PRKN: variants seen among roughly 807,000 people sequenced by gnomAD.
The protein encoded by PRKN is parkin RBR E3 ubiquitin protein ligase.
PRKN carries 56 observed loss-of-function variants against 59.5 expected under a neutral mutation model. That is an observed-to-expected ratio of 0.94 (90% CI 0.76 to 1.18). The LOEUF (loss-of-function observed/expected upper bound fraction) is 1.18, where lower values mean the gene tolerates loss of function less well. PRKN is among the 50% of genes most tolerant of loss of function. PRKN has a pLI of 0.00. For synonymous variants in PRKN, 250 were observed against 222.1 expected (o/e 1.13, Z -1.12); for missense variants, 657 against 596.4 (o/e 1.10, Z -1.06).
intron 5 of PRKN, among the ~76,000 whole-genome samples, chr6:161,998,757 C>T (rs945896203): frequency 2.0e-5 from 3 of 152,102 alleles, no homozygotes; most frequent in Non-Finnish European, 4.4e-5. Context: ...AATCCAATCC[C>T]GTTATACATA....
chr6:161,925,533 T>A (rs954293151), intron 6 of PRKN, among the ~76,000 whole-genome samples: 1 of 152,096 alleles, frequency 6.6e-6, no homozygotes, highest in African/African-American at 2.4e-5. Flanking sequence ...ATCGTGCCAC[T>A]GCACTCCACG....
At chr6:162,645,542 C>A (rs1292722448) in intron 1 of PRKN, among the ~76,000 whole-genome samples, 1 of 151,992 alleles carries the variant, frequency 6.6e-6, no homozygotes, top group Non-Finnish European at 1.5e-5. Flanking sequence ...TTAATTATTT[C>A]TCTGATCCTA....
At chr6:161,966,340 C>T (rs1411389532) in intron 6 of PRKN, among the ~76,000 whole-genome samples, 1 of 151,948 alleles carries the variant, frequency 6.6e-6, no homozygotes, top group African/African-American at 2.4e-5. Context: ...CAATTTTTAC[C>T]CTTTAAAAAA....
At chr6:161,947,865 T>C (rs1779839395) in intron 6 of PRKN, among the ~76,000 whole-genome samples, 1 of 152,202 alleles carries the variant, frequency 6.6e-6, no homozygotes, top group South Asian at 2.1e-4. Flanking sequence ...TGGATTAGAG[T>C]TTGAAACCAA....
In PRKN at chr6:161,444,032, A is replaced by G. The variant is rs1359063540; in HGVS notation, c.1084-57155T>C. On this transcript the variant is annotated intron_variant, in intron 9 of 11. Transcript: ENST00000366898. The surrounding 1 kb of genome is among the most constrained non-coding windows in gnomAD (Gnocchi z 5.6). Reference sequence around the variant, plus strand: ...GTGCACGAACTAACTAGGAGGCGCCAGGCTTAGGCCTTAGGCAGACAAAGA... The same window carrying G: ...GTGCACGAACTAACTAGGAGGCGCCGGGCTTAGGCCTTAGGCAGACAAAGA... Among the ~76,000 whole-genome samples the G allele has an allele frequency of 6.6e-6, 1 of 152,168 alleles. No homozygotes were observed. Among genetic ancestry groups the G allele is most frequent in the Non-Finnish European group, 1.5e-5 (1 of 68,030 alleles).
At chr6:161,600,215 C>T (rs1392109742) in intron 7 of PRKN, among the ~76,000 whole-genome samples, 1 of 151,822 alleles carries the variant, frequency 6.6e-6, no homozygotes, top group Non-Finnish European at 1.5e-5. Flanking sequence ...ATTTCTCTAC[C>T]CCTTTTCTTT....
intron 8 of PRKN, among the ~76,000 whole-genome samples, chr6:161,564,030 C>G (rs1583232986): frequency 6.6e-6 from 1 of 152,134 alleles, no homozygotes; most frequent in African/African-American, 2.4e-5. Context: ...GTTAGAGAAA[C>G]AAAAATGATT....
At chr6:162,567,091 G>A (rs1266970384) in intron 1 of PRKN, among the ~76,000 whole-genome samples, 4 of 151,966 alleles carry the variant, frequency 2.6e-5, no homozygotes, top group African/African-American at 9.7e-5. Flanking sequence ...CAAAATACTG[G>A]GGATAAAAGG....
At chr6:162,425,136 T>C (rs1789170732) in intron 2 of PRKN, among the ~76,000 whole-genome samples, 1 of 152,154 alleles carries the variant, frequency 6.6e-6, no homozygotes, top group African/African-American at 2.4e-5. Context: ...TTACATTTGA[T>C]GGTTTGTAAT....
At chr6:161,681,474 T>C (rs1785361400) in intron 7 of PRKN, among the ~76,000 whole-genome samples, 1 of 152,148 alleles carries the variant, frequency 6.6e-6, no homozygotes, top group African/African-American at 2.4e-5. Context: ...TTCTCCTGAT[T>C]GTCTTTGGAA....
intron 1 of PRKN, among the ~76,000 whole-genome samples, chr6:162,632,917 A>G (rs917670426): frequency 6.6e-6 from 1 of 152,142 alleles, no homozygotes; most frequent in African/African-American, 2.4e-5. Context: ...GCTGGAAAAC[A>G]TAAGCAAAGC....
rs990144454 is a variant in PRKN, at chr6:161,576,078, G to A, written c.872-6662C>T. ...TAGGGTTGCCATACACTGTGCTGAA[G>A]TAGCCATTTCTGAATTAGTCTGAGA... On this transcript the variant is annotated intron_variant, in intron 7 of 11. Coordinates refer to ENST00000366898, the MANE Select transcript of PRKN (RefSeq NM_004562.3). The surrounding 1 kb of genome is among the most constrained non-coding windows in gnomAD (Gnocchi z 4.6). Among the ~76,000 whole-genome samples the A allele has an allele frequency of 6.6e-6, 1 of 152,180 alleles. No individual in the cohort carries two copies. Among genetic ancestry groups the A allele is most frequent in the African/African-American group, 2.4e-5 (1 of 41,444 alleles).
At chr6:162,270,168 G>A (rs575797793) in intron 2 of PRKN, 22 of 152,274 alleles carry the variant, frequency 1.4e-4, no homozygotes, top group African/African-American at 5.1e-4. Flanking sequence ...GGTATATGAT[G>A]GAATACTGCT....
In PRKN at chr6:161,902,082, A is replaced by T. The variant is rs533769500; in HGVS notation, c.734+71220T>A. On this transcript the variant is annotated intron_variant, in intron 6 of 11. Transcript: ENST00000366898. ...TCTACCTCCATTTCACTGCAATGTT[A>T]TCAATAGCAGACTCTTCCTTTGACT... 7.2e-5 allele frequency among the ~76,000 whole-genome samples: 11 copies of T among 152,310 alleles called. No homozygotes were observed. The East Asian group carries it at 1.7e-3, about 24-fold the overall frequency.
At chr6:161,904,878 G>C (rs898250442) in intron 6 of PRKN, among the ~76,000 whole-genome samples, 30 of 152,132 alleles carry the variant, frequency 2.0e-4, no homozygotes, top group Non-Finnish European at 3.8e-4. Context: ...GTCTGATGTG[G>C]GGGGAGTCAG....
At chr6:161,455,477 A>T (rs1406008075) in intron 9 of PRKN, among the ~76,000 whole-genome samples, 3 of 152,232 alleles carry the variant, frequency 2.0e-5, no homozygotes, top group African/African-American at 7.2e-5. Context: ...AAATGAAAGC[A>T]TCCTAATCAT....
chr6:161,427,864 CT>C (rs1344001685), intron 9 of PRKN, among the ~76,000 whole-genome samples: 1 of 152,152 alleles, frequency 6.6e-6, no homozygotes, highest in East Asian at 1.9e-4. Context: ...GCGATTTGCA[CT>C]GGCTTCTCAA....
At chr6:161,370,591 CA>C (rs560655971) in intron 10 of PRKN, among the ~76,000 whole-genome samples, 262 of 57,820 alleles carry the variant, frequency 4.5e-3, no homozygotes, top group South Asian at 5.2e-3. Flanking sequence ...GACTCTGTGT[CA>C]AAAAAAAAAA....
At chr6:162,140,285 T>A (rs79390117) in intron 4 of PRKN, among the ~76,000 whole-genome samples, 23,483 of 152,096 alleles carry the variant, frequency 0.15, 2,238 homozygotes, top group African/African-American at 0.26. Context: ...TCATGATAAT[T>A]TAGAAAAAAA....
Sources: allele counts gnomAD v4.1 joint callset (sites outside exome capture counted in the v4.1 genomes callset), GRCh38; gene constraint gnomAD v4.1.1; non-coding constraint Gnocchi (gnomAD v3.1); transcripts MANE v1.5; gene names NCBI Gene and HGNC (gene_info 2026-07-23, HGNC 2026-07-21).